Variants in RRP12 observed in about 807,000 individuals in gnomAD.
RRP12 encodes ribosomal RNA processing 12 homolog.
A neutral mutation model predicts 157.3 loss-of-function variants in RRP12; 78 were observed. The ratio of observed to expected loss-of-function variants is 0.50; its 90% confidence interval spans 0.41 to 0.60. RRP12 has a LOEUF of 0.60. Ranked by LOEUF, RRP12 falls within the 20% of genes least tolerant of loss-of-function variation. RRP12 has a pLI of 0.00. For synonymous variants in RRP12, 726 were observed against 670.9 expected, an observed-to-expected ratio of 1.08 and a Z score of -1.27; for missense variants, 1,521 against 1,679.9, an observed-to-expected ratio of 0.91 and a Z score of 1.65.
intron 28 of RRP12, 49 bp downstream of exon 28, chr10:97,366,397 C>A (rs1236838874): frequency 1.3e-6 from 2 of 1,567,182 alleles, no homozygotes; most frequent in Non-Finnish European, 1.7e-6. Context: ...GAGAACCTGG[C>A]ACCATGGCAA....
intron 25 of RRP12, among the ~76,000 whole-genome samples, chr10:97,368,775 A>T (rs568803107): frequency 6.6e-6 from 1 of 152,356 alleles, no homozygotes; most frequent in East Asian, 1.9e-4. Context: ...GCTGATTCTC[A>T]TCTGTCCCTT....
At chr10:97,385,853 A>C in intron 9 of RRP12, 42 bp downstream of exon 9, 2 of 1,412,172 alleles carry the variant, frequency 1.4e-6, no homozygotes, top group Non-Finnish European at 2.0e-6. Flanking sequence ...CCAAGGCACC[A>C]CCCCCGACCT....
rs757441268 is a variant in RRP12 at position 97,370,761 on chromosome 10, C to T, written c.2538G>A (p.Lys846=). The change falls in exon 22 of 34, where the codon AAG becomes AAA. Residue 846 remains lysine (K), a synonymous_variant. Transcript: ENST00000370992. Reference sequence around the variant, plus strand: ...TGAACTCCTTGTGTTCAGCTGAGAGCTTCCTCACGATGTGTAGGAGGCACT... The same window carrying T: ...TGAACTCCTTGTGTTCAGCTGAGAGTTTCCTCACGATGTGTAGGAGGCACT... The part of the protein sequence containing the change: ...RLKCLLHIVR[K]LSAEHKEFIT... 3.7e-6 allele frequency: 6 copies of T among 1,614,040 alleles called. No individual in the cohort carries two copies. The Admixed American group carries it at 1.0e-4, about 27-fold the overall frequency.
intron 2 of RRP12, among the ~76,000 whole-genome samples, chr10:97,398,929 C>T (rs1467166768): frequency 6.6e-6 from 1 of 152,040 alleles, no homozygotes. Flanking sequence ...ACTGATTATA[C>T]ATTGAAGTGA....
intron 15 of RRP12, among the ~76,000 whole-genome samples, chr10:97,378,246 C>T (rs1212082918): frequency 6.6e-6 from 1 of 152,062 alleles, no homozygotes; most frequent in Non-Finnish European, 1.5e-5. Context: ...TGACAGGGTG[C>T]GTTCTGAAAA....
chr10:97,372,918 A>G (rs1844198391), intron 18 of RRP12, 115 bp from the exon 19 acceptor site: 1 of 1,438,872 alleles, frequency 6.9e-7, no homozygotes, highest in Non-Finnish European at 9.6e-7. Context: ...TGCCCAAGCC[A>G]TGACTGCTGG....
intron 5 of RRP12, 35 bp downstream of exon 5, chr10:97,390,704 G>T: frequency 1.3e-6 from 2 of 1,497,310 alleles, no homozygotes; most frequent in Non-Finnish European, 1.9e-6. Context: ...GGCTCTGGGA[G>T]TCGCCAGATG....
In RRP12 at chr10:97,385,248, C is replaced by T. The variant is rs751778020; in HGVS notation, c.1126G>A (p.Asp376Asn). The change falls in exon 10 of 34, where the codon GAC becomes AAC. Residue 376 changes from aspartate (D) to asparagine (N), a missense_variant. Physicochemically the swap from Asp to Asn is conservative, Grantham distance 23. Coordinates refer to ENST00000370992, the MANE Select transcript of RRP12 (RefSeq NM_015179.4). ...LNAQIITALY[D>N]YVPSENDLQP... is the part of the protein sequence containing the mutation. ...AAATCATTCTCACTGGGAACATAGT[C>T]GTACAGGGCCTAAAAGTGGGAATAA... is the stretch of plus-strand genomic sequence containing the variant. 3.3e-5 allele frequency: 54 copies of T among 1,613,614 alleles called. No homozygotes were observed. Among genetic ancestry groups the T allele is most frequent in the Non-Finnish European group, 4.4e-5 (52 of 1,179,670 alleles).
chr10:97,377,920 C>T (rs1327468490), intron 15 of RRP12, among the ~76,000 whole-genome samples: 1 of 151,704 alleles, frequency 6.6e-6, no homozygotes, highest in African/African-American at 2.4e-5. Flanking sequence ...TTTAGCAATG[C>T]TGCCCTACAT....
intron 4 of RRP12, among the ~76,000 whole-genome samples, chr10:97,392,001 G>GTTTTTTTTTTTTTTTTTTT (rs59302286): frequency 6.8e-6 from 1 of 147,754 alleles, no homozygotes. Context: ...CATGTTGTGG[G>GTTTTTTTTTTTTTTTTTTT]TTTTTTTTTT....
At position 97,357,202 on chromosome 10, in the gene RRP12, G is replaced by A. The variant is rs1843733546; in HGVS notation, c.3792-6C>T. ...CCTGCAGCTTCATCTTCTTCCTGCA[G>A]GGCCAAGGAACGGAAGGGTCACATC... On this transcript the variant is annotated splice_region_variant and splice_polypyrimidine_tract_variant and intron_variant, in intron 33 of 33. Coordinates refer to ENST00000370992, the MANE Select transcript of RRP12 (RefSeq NM_015179.4). The A allele has an allele frequency of 3.1e-6, 5 of 1,589,738 alleles. No individual in the cohort carries two copies. The highest frequency in any genetic ancestry group is 2.2e-5 in the East Asian group (1 of 44,510).
chr10:97,379,483 G>A (rs1415500705), intron 14 of RRP12, 69 bp from the exon 15 acceptor site: 1 of 1,605,698 alleles, frequency 6.2e-7, no homozygotes, highest in Non-Finnish European at 8.5e-7. Context: ...ATAGCATACT[G>A]AGCCCAGGAC....
In RRP12 at chr10:97,369,468, G is replaced by C; in HGVS notation, c.2912C>G (p.Thr971Ser). The stretch of plus-strand genomic sequence containing the variant: ...GGCCAGGTGCGCCACGTCCATGACA[G>C]TCACTGCCACCTTGATGAAGCCCAG... The part of the protein sequence containing the change: ...SALGFIKVAV[T>S]VMDVAHLAKH... The change falls in exon 25 of 34, where the codon ACT becomes AGT. Residue 971 changes from threonine to serine, a missense_variant. Thr to Ser is a moderately conservative substitution (Grantham distance 58). Transcript: ENST00000370992. 1.2e-6 allele frequency: 2 copies of C among 1,612,378 alleles called. No homozygotes were observed. The highest frequency in any genetic ancestry group is 1.7e-6 in the Non-Finnish European group (2 of 1,179,308).
chr10:97,390,507 C>T lies in RRP12; in HGVS notation c.669G>A (p.Lys223=). The T allele has an allele frequency of 6.2e-7, 1 of 1,614,016 alleles. No individual in the cohort carries two copies. The highest frequency in any genetic ancestry group is 8.5e-7 in the Non-Finnish European group (1 of 1,179,950). The change falls in exon 6 of 34, where the codon AAG becomes AAA. Residue 223 remains lysine, a synonymous_variant. Transcript: ENST00000370992. ...VLSCLATLLR[K]QDLEAWGYPV... ...GGTAGCCCCAGGCCTCCAGGTCTTGCTTCCGCAGAAGGGTGGCCAGGCAGG... is the reference window on the plus strand; with the variant it reads ...GGTAGCCCCAGGCCTCCAGGTCTTGTTTCCGCAGAAGGGTGGCCAGGCAGG...
At chr10:97,372,233 T>G in intron 19 of RRP12, 67 bp from the exon 20 acceptor site, 2 of 1,238,262 alleles carry the variant, frequency 1.6e-6, no homozygotes, top group Non-Finnish European at 2.3e-6. Context: ...ACCAGTGTTC[T>G]TACGTCTACT....
In RRP12 at chr10:97,373,514, G is replaced by T. The variant is rs1007863342; in HGVS notation, c.2026+61C>A. 4.7e-5 allele frequency: 70 copies of T among 1,500,420 alleles called. 1 individual carries two copies. Among genetic ancestry groups the T allele is most frequent in the South Asian group, 3.1e-4 (24 of 76,872 alleles). 92.9% of individuals were successfully genotyped at this position (1,500,420 alleles called of 1,614,324 possible). On this transcript the variant is annotated intron_variant, in intron 17 of 33. Transcript: ENST00000370992. ...CCTGGCAAGGAGTGTAGCAAGCCAG[G>T]GGATGGGGCCAGGGACCTGTGTCAT...
chr10:97,386,985 A>G (rs1487002509), intron 8 of RRP12, among the ~76,000 whole-genome samples: 1 of 129,046 alleles, frequency 7.7e-6, no homozygotes, highest in Non-Finnish European at 1.6e-5. Context: ...GCGAGACTCC[A>G]TCACAAAAAA....
chr10:97,370,369 C>T lies in RRP12; in HGVS notation c.2689+86G>A, dbSNP rs570500257. ...GAGCAGCCTGCCCAGGGCCAGGGCA[C>T]AGAGCTCTCCCCACCTTTTTTGAGG... On this transcript the variant is annotated intron_variant, in intron 23 of 33. Coordinates refer to ENST00000370992, the MANE Select transcript of RRP12 (RefSeq NM_015179.4). 390 of 1,360,868 alleles carry T rather than the reference C, an allele frequency of 2.9e-4. 3 individuals are homozygous for T. Among genetic ancestry groups the T allele is most frequent in the African/African-American group, 1.9e-3 (133 of 69,382 alleles). 84.3% of individuals were successfully genotyped at this position (1,360,868 alleles called of 1,614,324 possible). A position where few individuals can be genotyped will look rare whatever the true frequency, so the allele number is the denominator to read the frequency against.
chr10:97,361,598 G>A (rs558544393), intron 30 of RRP12, among the ~76,000 whole-genome samples: 52 of 152,324 alleles, frequency 3.4e-4, no homozygotes, highest in African/African-American at 1.2e-3. Context: ...CCTGGGAGAC[G>A]GGGGACTCCA....
Sources: gnomAD v4.1 joint callset for allele counts (sites outside exome capture counted in the v4.1 genomes callset) on GRCh38, gnomAD v4.1.1 for gene constraint, MANE v1.5 for transcripts, NCBI Gene and HGNC (gene_info 2026-07-23, HGNC 2026-07-21) for gene names.